FAM135B: variants seen among roughly 807,000 people sequenced by gnomAD.
The protein encoded by FAM135B is protein FAM135B.
In FAM135B, 43 loss-of-function variants were observed where a neutral mutation model predicts 127.7. The ratio of observed to expected loss-of-function variants is 0.34; its 90% CI spans 0.26 to 0.43. FAM135B has a LOEUF of 0.43. FAM135B is among the 20% of genes least tolerant of loss of function. FAM135B has a pLI of 1.00. For missense variants in FAM135B, 1,558 were observed against 1,725.6 expected, an observed-to-expected ratio of 0.90 and a Z score of 1.72; for synonymous variants, 670 against 665.1, an observed-to-expected ratio of 1.01 and a Z score of -0.11.
chr8:138,407,744 T>C (rs943949687), intron 1 of FAM135B, among the ~76,000 whole-genome samples: 3 of 152,186 alleles, frequency 2.0e-5, no homozygotes, highest in Non-Finnish European at 4.4e-5. Context: ...TTACACCTTA[T>C]ACGAAAATTA....
At chr8:138,197,335 T>G (rs1220150727) in intron 8 of FAM135B, among the ~76,000 whole-genome samples, 181 bp downstream of exon 8, 1 of 152,200 alleles carries the variant, frequency 6.6e-6, no homozygotes, top group African/African-American at 2.4e-5. Context: ...GTGTCTTCTC[T>G]TACTGCATTT....
At chr8:138,314,853 C>T (rs1049484702) in intron 2 of FAM135B, among the ~76,000 whole-genome samples, 1 of 143,282 alleles carries the variant, frequency 7.0e-6, no homozygotes, top group Admixed American at 7.2e-5. Context: ...GCACTCCAGC[C>T]TGGTTGTCAG....
At chr8:138,491,572 T>A (rs370190325) in intron 1 of FAM135B, among the ~76,000 whole-genome samples, 1 of 152,220 alleles carries the variant, frequency 6.6e-6, no homozygotes, top group South Asian at 2.1e-4. Flanking sequence ...GGGACCAGCA[T>A]CTACTCTGGC....
intron 2 of FAM135B, among the ~76,000 whole-genome samples, chr8:138,339,510 AG>A (rs1202334887): frequency 6.6e-6 from 1 of 152,020 alleles, no homozygotes; most frequent in African/African-American, 2.4e-5. Context: ...AGTCAGGAAA[AG>A]TGACACCTGC....
intron 1 of FAM135B, among the ~76,000 whole-genome samples, chr8:138,469,585 T>C (rs1837567160): frequency 6.6e-6 from 1 of 152,166 alleles, no homozygotes; most frequent in Non-Finnish European, 1.5e-5. Flanking sequence ...CTTATACTGA[T>C]ACCAAGAGAT....
At chr8:138,262,647 T>C (rs1822621245) in intron 4 of FAM135B, among the ~76,000 whole-genome samples, 1 of 151,950 alleles carries the variant, frequency 6.6e-6, no homozygotes, top group African/African-American at 2.4e-5. Flanking sequence ...ACACCTGTAA[T>C]CCCAGCACTT....
intron 9 of FAM135B, among the ~76,000 whole-genome samples, chr8:138,188,242 A>G (rs1815765540): frequency 6.6e-6 from 1 of 152,224 alleles, no homozygotes. Flanking sequence ...TCTCTGAGCC[A>G]TTCACCAAAT....
intron 11 of FAM135B, among the ~76,000 whole-genome samples, chr8:138,170,326 G>T (rs1317617623): frequency 2.0e-5 from 3 of 149,334 alleles, no homozygotes; most frequent in South Asian, 4.2e-4. Context: ...GGGTTCATGC[G>T]ATTTTCCTGC....
intron 1 of FAM135B, among the ~76,000 whole-genome samples, chr8:138,428,863 TCA>T (rs1195935040): frequency 6.6e-6 from 1 of 152,204 alleles, no homozygotes; most frequent in Non-Finnish European, 1.5e-5. Context: ...TTTGAATATC[TCA>T]TTCTCTGGGG....
chr8:138,218,055 T>C (rs1818707978), intron 7 of FAM135B, among the ~76,000 whole-genome samples: 1 of 152,224 alleles, frequency 6.6e-6, no homozygotes, highest in African/African-American at 2.4e-5. Context: ...GTATAATTGG[T>C]AGACTTTAAT....
chr8:138,393,429 G>T (rs1214331155), intron 1 of FAM135B, among the ~76,000 whole-genome samples: 1 of 151,312 alleles, frequency 6.6e-6, no homozygotes, highest in East Asian at 1.9e-4. Flanking sequence ...CCAAGGTGGG[G>T]ATACACTCTA....
intron 1 of FAM135B, among the ~76,000 whole-genome samples, chr8:138,426,118 A>AAG (rs1554690957): frequency 5.8e-5 from 7 of 120,042 alleles, no homozygotes; most frequent in African/African-American, 2.7e-4. Flanking sequence ...ATATACACAT[A>AAG]TGTGTGTGTG....
At position 138,241,254 on chromosome 8, in the gene FAM135B, G is replaced by C. The variant is rs869522; in HGVS notation, c.669+1688C>G. On this transcript the variant is annotated intron_variant, in intron 7 of 19. Transcript: ENST00000395297. This position sits in a 1 kb window ranked among gnomAD's most constrained non-coding sequence, Gnocchi z 4.8. The stretch of plus-strand genomic sequence containing the variant: ...GCTTTCTTACTCATTCACTTCCTAT[G>C]TGCTGGGCCCTGCGTCAGTGCTAAG... 0.82 allele frequency among the ~76,000 whole-genome samples: 125,522 copies of C among 152,160 alleles called. 52,035 individuals are homozygous for C. The highest frequency in any genetic ancestry group is 0.94 in the East Asian group (4,842 of 5,158).
chr8:138,467,151 T>C (rs1195799475), intron 1 of FAM135B, among the ~76,000 whole-genome samples: 2 of 152,230 alleles, frequency 1.3e-5, no homozygotes, highest in East Asian at 3.9e-4. Flanking sequence ...GCCTGTGCTA[T>C]AAATGTGAAG....
chr8:138,150,232 C>T (rs1221989351), intron 13 of FAM135B, among the ~76,000 whole-genome samples: 1 of 152,044 alleles, frequency 6.6e-6, no homozygotes, highest in Non-Finnish European at 1.5e-5. Context: ...ACTTAGAAGC[C>T]CCACAATGTT....
intron 1 of FAM135B, among the ~76,000 whole-genome samples, chr8:138,433,563 AAAT>A (rs1195091072): frequency 3.6e-5 from 5 of 138,936 alleles, no homozygotes; most frequent in Admixed American, 7.2e-5. Context: ...ATAAATAAAT[AAAT>A]AAAATAATTT....
intron 2 of FAM135B, among the ~76,000 whole-genome samples, chr8:138,326,120 C>T (rs188128970): frequency 4.3e-4 from 65 of 152,264 alleles, no homozygotes; most frequent in African/African-American, 1.5e-3. Context: ...CCCATCCCTG[C>T]ATCTCCCTTT....
At chr8:138,179,420 T>G (rs1167686819) in intron 9 of FAM135B, among the ~76,000 whole-genome samples, 3 of 152,182 alleles carry the variant, frequency 2.0e-5, no homozygotes, top group African/African-American at 7.2e-5. Context: ...CCAGATACCC[T>G]TTGGTAGAGT....
At chr8:138,255,282 G>A (rs952448943) in intron 5 of FAM135B, among the ~76,000 whole-genome samples, 1 of 152,178 alleles carries the variant, frequency 6.6e-6, no homozygotes, top group African/African-American at 2.4e-5. Context: ...AAGGAAAAGG[G>A]GAAACATTTG....
Sources: gnomAD v4.1 joint callset for allele counts (sites outside exome capture counted in the v4.1 genomes callset) on GRCh38, gnomAD v4.1.1 for gene constraint, Gnocchi (gnomAD v3.1) non-coding constraint, MANE v1.5 for transcripts, NCBI Gene and HGNC (gene_info 2026-07-23, HGNC 2026-07-21) for gene names.